PCDHA4: variants seen among roughly 807,000 people sequenced by gnomAD.
The protein encoded by PCDHA4 is protocadherin alpha 4.
PCDHA4 carries 49 observed loss-of-function variants against 61.4 expected under a neutral mutation model. The observed-to-expected ratio is 0.80, with a 90% confidence interval of 0.63 to 1.01. The LOEUF (loss-of-function observed/expected upper bound fraction) is 1.01. PCDHA4 is among the 50% of genes least tolerant of loss of function. The pLI is 0.00. For missense variants in PCDHA4, 1,254 were observed against 1,235.8 expected (o/e 1.01, Z -0.22); for synonymous variants, 590 against 550.3 (o/e 1.07, Z -1.01).
At chr5:140,917,245 G>A (rs2077971406) in intron 1 of PCDHA4, among the ~76,000 whole-genome samples, 1 of 149,588 alleles carries the variant, frequency 6.7e-6, no homozygotes, top group Non-Finnish European at 1.5e-5. Context: ...TAGGTACTAC[G>A]ATTGCTCACC....
intron 1 of PCDHA4, chr5:140,865,401 G>A (rs1011488006): frequency 6.6e-6 from 1 of 152,158 alleles, no homozygotes; most frequent in Non-Finnish European, 1.5e-5. Flanking sequence ...TATAAATGCT[G>A]AAAAGGAATT....
chr5:140,851,571 A>C (rs1036529099), intron 1 of PCDHA4: 1 of 908,760 alleles, frequency 1.1e-6, no homozygotes, highest in Admixed American at 6.3e-5. Context: ...TTTTGTCTAC[A>C]CTTAGAACAT....
rs1041971288 is a variant in PCDHA4, at chr5:140,912,300, A to G, written c.2386-66649A>G. ...CCAGGAACAATACTTTGCCTCCTGT[A>G]ATCCAGTCAAGTTGACCCTCAGTAT... On this transcript the variant is annotated intron_variant, in intron 1 of 3. Coordinates refer to ENST00000530339, the MANE Select transcript of PCDHA4 (RefSeq NM_018907.4). Among the ~76,000 whole-genome samples, 5 of 152,070 alleles carry G rather than the reference A, an allele frequency of 3.3e-5. No homozygotes were observed. The East Asian group carries it at 9.7e-4, about 29-fold the overall frequency.
intron 1 of PCDHA4, among the ~76,000 whole-genome samples, chr5:140,831,515 C>T (rs1771580711): frequency 2.3e-5 from 3 of 128,830 alleles, no homozygotes; most frequent in Admixed American, 1.7e-4. Flanking sequence ...CACCATGCCC[C>T]CCACCTTTTT....
Position 140,968,070 on chromosome 5 carries a change from A to G in PCDHA4, c.2386-10879A>G, listed in dbSNP as rs377189542. On this transcript the variant is annotated intron_variant, in intron 1 of 3. Transcript: ENST00000530339. The stretch of plus-strand genomic sequence containing the variant: ...CTGGACCGAGAGCGGGTGGCTGTCT[A>G]CAACATCACGGTGACAGCCACAGAT... 3.5e-5 allele frequency: 57 copies of G among 1,614,034 alleles called. No homozygotes were observed. The highest frequency in any genetic ancestry group is 1.6e-4 in the Middle Eastern group (1 of 6,082).
At chr5:140,937,821 A>G (rs1270019197) in intron 1 of PCDHA4, among the ~76,000 whole-genome samples, 2 of 151,608 alleles carry the variant, frequency 1.3e-5, no homozygotes, top group Non-Finnish European at 2.9e-5. Flanking sequence ...CTGAGGCAGG[A>G]GAATGGCATG....
chr5:140,921,267 A>G (rs1371688460), intron 1 of PCDHA4, among the ~76,000 whole-genome samples: 2 of 152,168 alleles, frequency 1.3e-5, no homozygotes, highest in Non-Finnish European at 2.9e-5. Flanking sequence ...AGACTTTTAT[A>G]CTTACTTGAA....
chr5:140,966,047 T>G (rs1463127286), intron 1 of PCDHA4, among the ~76,000 whole-genome samples: 1 of 152,214 alleles, frequency 6.6e-6, no homozygotes, highest in Admixed American at 6.5e-5. Flanking sequence ...CCATCGCCAG[T>G]AACCCCAGAG....
intron 1 of PCDHA4, chr5:140,884,248 G>T (rs1554181373): frequency 1.2e-6 from 2 of 1,613,458 alleles, no homozygotes; most frequent in East Asian, 4.5e-5. Flanking sequence ...CCGCGCTGAC[G>T]GCCACGGCAA....
chr5:140,904,706 A>G (rs1554191662), intron 1 of PCDHA4, among the ~76,000 whole-genome samples: 2 of 151,982 alleles, frequency 1.3e-5, no homozygotes, highest in South Asian at 2.1e-4. Flanking sequence ...TTCCCTTTTC[A>G]CCACATTCTG....
In PCDHA4 at chr5:140,807,279, TC is replaced by T. The variant is rs782359747; in HGVS notation, c.94del (p.His32ThrfsTer46). 4 of 1,614,094 alleles carry T rather than the reference TC, an allele frequency of 2.5e-6. No homozygotes were observed. The African/African-American group carries it at 5.3e-5, about 22-fold the overall frequency. ...LAAWEAGNGQ[L>X]HYSVSEEAKH... is the part of the protein sequence containing the mutation. ...GCCTGGGAGGCAGGGAACGGTCAGCTCCACTACTCGGTCTCCGAGGAGGCCA... is the reference window on the plus strand; with the variant it reads ...GCCTGGGAGGCAGGGAACGGTCAGCTCACTACTCGGTCTCCGAGGAGGCCA... On this transcript the variant is annotated frameshift_variant, in exon 1 of 4. Coordinates refer to ENST00000530339, the MANE Select transcript of PCDHA4 (RefSeq NM_018907.4). LOFTEE classifies it high-confidence loss of function.
chr5:140,866,610 G>A (rs1177328697), intron 1 of PCDHA4: 2 of 152,124 alleles, frequency 1.3e-5, no homozygotes, highest in Admixed American at 1.3e-4. Context: ...TGGTTTTGGA[G>A]AACCTCCTGG....
chr5:140,903,349 A>T (rs1191077377), intron 1 of PCDHA4, among the ~76,000 whole-genome samples: 1 of 152,240 alleles, frequency 6.6e-6, no homozygotes, highest in Non-Finnish European at 1.5e-5. Flanking sequence ...ATTTTAAAAA[A>T]CAAGTTTTTC....
intron 1 of PCDHA4, chr5:140,823,513 G>A (rs1767741657): frequency 6.2e-7 from 1 of 1,613,474 alleles, no homozygotes; most frequent in African/African-American, 1.3e-5. Context: ...GAGCGAGCTG[G>A]TGCCGAGGTC....
intron 1 of PCDHA4, among the ~76,000 whole-genome samples, chr5:140,899,774 C>T (rs966615256): frequency 3.9e-5 from 6 of 152,122 alleles, no homozygotes; most frequent in African/African-American, 1.4e-4. Context: ...CCTCCTTTTA[C>T]CTCTGGTATA....
intron 1 of PCDHA4, chr5:140,812,355 T>C (rs1413967981): frequency 6.6e-6 from 1 of 152,176 alleles, no homozygotes; most frequent in Non-Finnish European, 1.5e-5. Flanking sequence ...CTCTTTTGTT[T>C]CTGACTTCCA....
chr5:140,843,065 C>G, intron 1 of PCDHA4: 1 of 1,595,232 alleles, frequency 6.3e-7, no homozygotes, highest in Non-Finnish European at 8.6e-7. Context: ...CAAGCTGGTG[C>G]CGCGGTCTGT....
intron 1 of PCDHA4, among the ~76,000 whole-genome samples, chr5:140,831,951 A>C (rs1771772559): frequency 6.6e-6 from 1 of 152,140 alleles, no homozygotes; most frequent in Admixed American, 6.6e-5. Context: ...GAAAAGAAAA[A>C]CTTTATGTCA....
intron 1 of PCDHA4, chr5:140,870,608 C>G (rs1408684171): frequency 6.2e-7 from 1 of 1,613,106 alleles, no homozygotes; most frequent in African/African-American, 1.3e-5. Flanking sequence ...GGCGACCGCG[C>G]GCTGTCGAGC....
Sources: allele counts gnomAD v4.1 joint callset (sites outside exome capture counted in the v4.1 genomes callset), GRCh38; gene constraint gnomAD v4.1.1; transcripts MANE v1.5; gene names NCBI Gene and HGNC (gene_info 2026-07-23, HGNC 2026-07-21).